The following MYO18B variants were observed in gnomAD, a reference collection of about 807,000 sequenced individuals.
MYO18B encodes myosin XVIIIB, also known as unconventional myosin-XVIIIb.
MYO18B carries 204 observed loss-of-function variants against 273.0 expected under a neutral mutation model. The ratio of observed to expected loss-of-function variants is 0.75; its 90% CI spans 0.67 to 0.84. MYO18B has a LOEUF of 0.84. Among genes scored for constraint, MYO18B ranks in the 40% least tolerant of loss-of-function variants. The pLI is 0.00. For missense variants in MYO18B, 3,212 were observed against 3,287.6 expected (o/e 0.98, Z 0.56); for synonymous variants, 1,330 against 1,305.7 (o/e 1.02, Z -0.40).
rs148006435 is a variant in MYO18B at position 25,989,064 on chromosome 22, C to T, written c.6157-3299C>T. Reference sequence around the variant, plus strand: ...TGCCTCTTTCTGTCTCTCTCCTCTACCCTCCAGGAAGCTCCCTGAGGATGT... The same window carrying T: ...TGCCTCTTTCTGTCTCTCTCCTCTATCCTCCAGGAAGCTCCCTGAGGATGT... On this transcript the variant is annotated intron_variant, in intron 39 of 43. Transcript: ENST00000335473. Among the ~76,000 whole-genome samples the T allele has an allele frequency of 6.5e-4, 99 of 152,316 alleles. No individual in the cohort carries two copies. In the East Asian group the frequency reaches 0.016, roughly 25 times the overall value.
chr22:25,988,420 C>T (rs191093151), intron 39 of MYO18B, among the ~76,000 whole-genome samples: 6 of 152,120 alleles, frequency 3.9e-5, no homozygotes, highest in East Asian at 1.9e-4. Context: ...ATGCAGAGGG[C>T]GGCAAGGGGG....
In MYO18B at chr22:25,843,900, T is replaced by C. The variant is rs2090158551; in HGVS notation, c.3368+6T>C. ...GTCCTGCACCAGTCAAAAAGGTGAG[T>C]TGGGTCAGGGTTGGGGACGGGGATG... On this transcript the variant is annotated splice_donor_region_variant and intron_variant, in intron 18 of 43. Coordinates refer to ENST00000335473, the MANE Select transcript of MYO18B (RefSeq NM_032608.7). 1 of 1,598,032 alleles carries C rather than the reference T, an allele frequency of 6.3e-7. No individual in the cohort carries two copies. Among genetic ancestry groups the C allele is most frequent in the Non-Finnish European group, 8.6e-7 (1 of 1,167,082 alleles).
chr22:26,008,847 G>A (rs758814463), intron 42 of MYO18B, among the ~76,000 whole-genome samples: 20 of 152,194 alleles, frequency 1.3e-4, no homozygotes, highest in Non-Finnish European at 2.4e-4. Flanking sequence ...GAGAGTGCGA[G>A]GGCAGTGAGG....
chr22:26,005,398 C>T (rs1899774334), intron 42 of MYO18B, among the ~76,000 whole-genome samples: 1 of 152,066 alleles, frequency 6.6e-6, no homozygotes, highest in Admixed American at 6.6e-5. Context: ...TTATAATTTC[C>T]TTACCACAGA....
chr22:25,839,302 G>C (rs1020817324), intron 17 of MYO18B, among the ~76,000 whole-genome samples: 3 of 152,136 alleles, frequency 2.0e-5, no homozygotes, highest in Non-Finnish European at 4.4e-5. Context: ...TTTCATGGAG[G>C]AAGGTGCCCA....
At chr22:25,848,287 C>T (rs2090320147) in intron 20 of MYO18B, among the ~76,000 whole-genome samples, 1 of 151,972 alleles carries the variant, frequency 6.6e-6, no homozygotes, top group South Asian at 2.1e-4. Context: ...TACGGGAGGC[C>T]CTGAGGCCTA....
intron 15 of MYO18B, among the ~76,000 whole-genome samples, chr22:25,832,012 T>G (rs935169700): frequency 2.0e-5 from 3 of 152,120 alleles, no homozygotes; most frequent in Non-Finnish European, 4.4e-5. Context: ...AAGCTCACCA[T>G]CACAAATCGT....
At chr22:26,009,082 C>T (rs1316034848) in intron 42 of MYO18B, among the ~76,000 whole-genome samples, 1 of 152,182 alleles carries the variant, frequency 6.6e-6, no homozygotes, top group Non-Finnish European at 1.5e-5. Context: ...GCAATTATTC[C>T]AAACCATCCT....
At chr22:25,774,144 A>T (rs1379945237) in intron 7 of MYO18B, among the ~76,000 whole-genome samples, 1 of 152,144 alleles carries the variant, frequency 6.6e-6, no homozygotes, top group Non-Finnish European at 1.5e-5. Flanking sequence ...GCAATGCTAA[A>T]TCCATTAAAG....
At chr22:26,024,783 C>T (rs556459462) in intron 42 of MYO18B, among the ~76,000 whole-genome samples, 2 of 152,182 alleles carry the variant, frequency 1.3e-5, no homozygotes, top group Admixed American at 6.5e-5. Flanking sequence ...TCCTCAGGGG[C>T]GCTCAGGAAG....
At chr22:25,829,954 C>G (rs1397174365) in intron 15 of MYO18B, among the ~76,000 whole-genome samples, 3 of 152,148 alleles carry the variant, frequency 2.0e-5, no homozygotes, top group African/African-American at 7.2e-5. Context: ...ACGTGTGTCT[C>G]TATCACCCAC....
chr22:25,829,710 C>T (rs557036855), intron 15 of MYO18B, among the ~76,000 whole-genome samples: 99 of 152,036 alleles, frequency 6.5e-4, no homozygotes, highest in African/African-American at 2.0e-3. Flanking sequence ...CAGTGGCGCA[C>T]GCCCATAATC....
intron 12 of MYO18B, among the ~76,000 whole-genome samples, chr22:25,810,101 T>C (rs2088671171): frequency 1.3e-5 from 2 of 148,338 alleles, no homozygotes; most frequent in African/African-American, 4.9e-5. Flanking sequence ...CTTCAGGCTT[T>C]TTTTTTTTTT....
At chr22:26,060,976 A>T in the MYO18B span, among the ~76,000 whole-genome samples, 1 of 151,476 alleles carries the variant, frequency 6.6e-6, no homozygotes, top group African/African-American at 2.4e-5. Context: ...ATGAACACAC[A>T]TATACACACA....
the MYO18B span, among the ~76,000 whole-genome samples, chr22:26,060,296 A>G: frequency 6.6e-6 from 1 of 152,270 alleles, no homozygotes; most frequent in Non-Finnish European, 1.5e-5. Flanking sequence ...AATGGCTCAC[A>G]GAGCCTAAAG....
the MYO18B span, among the ~76,000 whole-genome samples, chr22:26,049,102 G>A: frequency 6.6e-6 from 1 of 152,170 alleles, no homozygotes; most frequent in African/African-American, 2.4e-5. Flanking sequence ...AAAAAAGAAT[G>A]TAGGACGGGA....
chr22:25,842,943 A>G (rs2090127999), intron 17 of MYO18B, among the ~76,000 whole-genome samples: 2 of 152,338 alleles, frequency 1.3e-5, no homozygotes, highest in South Asian at 4.1e-4. Flanking sequence ...AGTCAAGGGC[A>G]GTGACAACCA....
intron 29 of MYO18B, among the ~76,000 whole-genome samples, chr22:25,902,229 G>A (rs1169028750): frequency 6.6e-6 from 1 of 152,058 alleles, no homozygotes; most frequent in Non-Finnish European, 1.5e-5. Flanking sequence ...TTTAGGGTTA[G>A]CATTTAGATT....
At chr22:25,819,202 C>T (rs2089170983) in intron 12 of MYO18B, among the ~76,000 whole-genome samples, 1 of 152,214 alleles carries the variant, frequency 6.6e-6, no homozygotes, top group African/African-American at 2.4e-5. Context: ...CTGGATTGCA[C>T]CAGCAGCATG....
Sources: gnomAD v4.1 joint callset for allele counts (sites outside exome capture counted in the v4.1 genomes callset) on GRCh38, gnomAD v4.1.1 for gene constraint, MANE v1.5 for transcripts, NCBI Gene and HGNC (gene_info 2026-07-23, HGNC 2026-07-21) for gene names.